The following CASD1 variants were observed in gnomAD, a reference collection of about 807,000 sequenced individuals.
The protein encoded by CASD1 is CAS1 domain sialic acid O acetyltransferase 1.
A neutral mutation model predicts 100.0 loss-of-function variants in CASD1; 41 were observed. The observed-to-expected ratio is 0.41, with a 90% CI of 0.32 to 0.53. CASD1 has a LOEUF of 0.53. Among genes scored for constraint, CASD1 ranks in the 20% least tolerant of loss-of-function variants. CASD1 has a pLI of 0.25. For missense variants in CASD1, 774 were observed against 948.7 expected (o/e 0.82, Z 2.42); for synonymous variants, 321 against 315.6 (o/e 1.02, Z -0.18).
chr7:94,604,358 G>A, the CASD1 span, among the ~76,000 whole-genome samples: 1 of 151,784 alleles, frequency 6.6e-6, no homozygotes, highest in African/African-American at 2.4e-5. Flanking sequence ...CTTTGCAGAA[G>A]TTGACTAACT....
downstream of CASD1, among the ~76,000 whole-genome samples, chr7:94,561,499 T>C (rs527476364): frequency 6.7e-6 from 1 of 148,224 alleles, no homozygotes; most frequent in Non-Finnish European, 1.5e-5. Context: ...TGTTATGCCT[T>C]CCTTAAACAT....
chr7:94,603,530 AT>A, the CASD1 span: 1 of 1,398,770 alleles, frequency 7.1e-7, no homozygotes, highest in Non-Finnish European at 1.0e-6. Context: ...TAAAAGCAGG[AT>A]TTAGCCTTTT....
rs1793607195 is a variant in CASD1 at position 94,510,026 on chromosome 7, G to A, written c.-59G>A. On this transcript the variant is annotated 5_prime_UTR_variant, in exon 1 of 18. Transcript: ENST00000297273. Reference sequence around the variant, plus strand: ...CTGCAGCGGCGGCAGCCCCAGTGCTGCCCCTGTGCGGCGCCCCTTTCCCGC... The same window carrying A: ...CTGCAGCGGCGGCAGCCCCAGTGCTACCCCTGTGCGGCGCCCCTTTCCCGC... 2.8e-6 allele frequency: 4 copies of A among 1,444,706 alleles called. No individual in the cohort carries two copies. In the Admixed American group the frequency reaches 9.3e-5, roughly 34 times the overall value. 89.5% of individuals were successfully genotyped at this position (1,444,706 alleles called of 1,614,324 possible).
At chr7:94,521,391 C>T (rs1234512309) in intron 3 of CASD1, among the ~76,000 whole-genome samples, 1 of 152,136 alleles carries the variant, frequency 6.6e-6, no homozygotes, top group African/African-American at 2.4e-5. Flanking sequence ...ATAATAATAT[C>T]TTTTGCACTT....
chr7:94,511,216 G>A (rs1363314478), intron 1 of CASD1, among the ~76,000 whole-genome samples: 5 of 152,146 alleles, frequency 3.3e-5, no homozygotes, highest in Non-Finnish European at 7.3e-5. Context: ...CCAGCTCTTG[G>A]TGACTGTGAG....
chr7:94,550,812 G>A (rs1020678063), intron 14 of CASD1, among the ~76,000 whole-genome samples: 1 of 152,126 alleles, frequency 6.6e-6, no homozygotes, highest in Non-Finnish European at 1.5e-5. Context: ...GGAAGGAAAT[G>A]TTCAGTCTAT....
chr7:94,601,431 C>A, the CASD1 span, among the ~76,000 whole-genome samples: 1 of 112,656 alleles, frequency 8.9e-6, no homozygotes, highest in Admixed American at 1.1e-4. Context: ...TTACTTAATT[C>A]TATCCCAGTA....
chr7:94,580,961 A>G, the CASD1 span, among the ~76,000 whole-genome samples: 4 of 152,180 alleles, frequency 2.6e-5, no homozygotes, highest in South Asian at 6.2e-4. Context: ...ACCATAGTCC[A>G]TGGGCTGGCT....
At chr7:94,510,560 G>A (rs559203752) in intron 1 of CASD1, among the ~76,000 whole-genome samples, 1 of 152,348 alleles carries the variant, frequency 6.6e-6, no homozygotes, top group South Asian at 2.1e-4. Flanking sequence ...AGGGGCTCGC[G>A]TGCAGGAAGT....
intron 8 of CASD1, among the ~76,000 whole-genome samples, chr7:94,536,041 G>C (rs1472508998): frequency 6.6e-6 from 1 of 152,106 alleles, no homozygotes; most frequent in Non-Finnish European, 1.5e-5. Flanking sequence ...TCAGGAGTTC[G>C]AGACTAGCCT....
intron 14 of CASD1, among the ~76,000 whole-genome samples, chr7:94,550,634 C>T (rs1795900921): frequency 6.6e-6 from 1 of 151,990 alleles, no homozygotes; most frequent in Non-Finnish European, 1.5e-5. Context: ...CACTTGACTT[C>T]TCACTCTGTC....
chr7:94,587,268 A>G, the CASD1 span: 1 of 986,972 alleles, frequency 1.0e-6, no homozygotes. Context: ...ACTACTAAAC[A>G]AATTGCCCTA....
the CASD1 span, chr7:94,630,028 G>A: frequency 3.4e-6 from 2 of 588,554 alleles, no homozygotes; most frequent in Admixed American, 3.5e-5. Flanking sequence ...GGACAAAATG[G>A]GAAAAAATTC....
chr7:94,633,802 G>T, the CASD1 span, among the ~76,000 whole-genome samples: 3 of 152,046 alleles, frequency 2.0e-5, no homozygotes, highest in Admixed American at 1.3e-4. Flanking sequence ...TACTATGGTG[G>T]TACGCTGCCA....
chr7:94,523,298 A>G (rs1333233409), intron 3 of CASD1, among the ~76,000 whole-genome samples: 7 of 152,236 alleles, frequency 4.6e-5, no homozygotes, highest in Admixed American at 3.9e-4. Flanking sequence ...AAAAATTTAT[A>G]GAAAATTTAC....
chr7:94,526,603 C>T (rs530564208), intron 3 of CASD1, among the ~76,000 whole-genome samples: 93 of 152,156 alleles, frequency 6.1e-4, no homozygotes, highest in African/African-American at 2.1e-3. Context: ...AGCTGGGCAA[C>T]GTGACAAAAC....
intron 3 of CASD1, among the ~76,000 whole-genome samples, chr7:94,525,518 A>G (rs1252890800): frequency 6.6e-6 from 1 of 152,206 alleles, no homozygotes; most frequent in African/African-American, 2.4e-5. Context: ...ACTTATTTGT[A>G]TATATCAAAC....
chr7:94,520,523 T>C (rs1185073518), intron 3 of CASD1, among the ~76,000 whole-genome samples: 4 of 152,174 alleles, frequency 2.6e-5, no homozygotes, highest in Non-Finnish European at 5.9e-5. Flanking sequence ...TCTTAGATAG[T>C]TTTAATTTAG....
chr7:94,538,152 GTGT>G (rs1174294604), intron 9 of CASD1, among the ~76,000 whole-genome samples: 17 of 152,130 alleles, frequency 1.1e-4, no homozygotes, highest in African/African-American at 3.9e-4. Flanking sequence ...TCATGACTTA[GTGT>G]TATTTTGCCT....
Sources: allele counts gnomAD v4.1 joint callset (sites outside exome capture counted in the v4.1 genomes callset), GRCh38; gene constraint gnomAD v4.1.1; transcripts MANE v1.5; gene names NCBI Gene and HGNC (gene_info 2026-07-23, HGNC 2026-07-21).